Variants in RAB2A observed in about 807,000 individuals in gnomAD.
RAB2A encodes the protein RAB2A, member RAS oncogene family.
A neutral mutation model predicts 32.5 loss-of-function variants in RAB2A; 7 were observed. That is an observed-to-expected ratio of 0.22 (90% CI 0.12 to 0.40). The LOEUF (loss-of-function observed/expected upper bound fraction) is 0.40, where lower values mean the gene tolerates loss of function less well. RAB2A is among the 10% of genes least tolerant of loss of function. RAB2A has a pLI of 1.00. For synonymous variants in RAB2A, 79 were observed against 85.2 expected (o/e 0.93, Z 0.40); for missense variants, 108 against 260.7 (o/e 0.41, Z 4.03).
At chr8:60,583,971 C>G in intron 3 of RAB2A, 1 of 352,668 alleles carries the variant, frequency 2.8e-6, no homozygotes, top group East Asian at 4.9e-5. Context: ...AGAGGTCTTG[C>G]GGGCTGGGGA....
chr8:60,591,824 AT>A, intron 5 of RAB2A, 33 bp from the exon 6 acceptor site: 1 of 1,344,246 alleles, frequency 7.4e-7, no homozygotes, highest in Non-Finnish European at 1.1e-6. Context: ...TACCATGTTG[AT>A]TAGTAATGTG....
intron 6 of RAB2A, among the ~76,000 whole-genome samples, chr8:60,607,055 T>A (rs554252483): frequency 6.6e-6 from 1 of 152,318 alleles, no homozygotes; most frequent in Non-Finnish European, 1.5e-5. Context: ...GAGACTGCTT[T>A]TTCTTTTTTA....
In RAB2A at chr8:60,548,995, C is replaced by A. The variant is rs1287677128; in HGVS notation, c.47-9857C>A. Among the ~76,000 whole-genome samples, 13 of 151,290 alleles carry A rather than the reference C, an allele frequency of 8.6e-5. No homozygotes were observed. In the South Asian group the frequency reaches 2.7e-3, roughly 32 times the overall value. On this transcript the variant is annotated intron_variant, in intron 1 of 7. Transcript: ENST00000262646. ...GCAGGGCAGAGACGCTCCTCACATCCCGGACGGGGCGGCAGGGCAGAGGTG... is the reference window on the plus strand; with the variant it reads ...GCAGGGCAGAGACGCTCCTCACATCACGGACGGGGCGGCAGGGCAGAGGTG...
chr8:60,529,396 C>T (rs1285711234), intron 1 of RAB2A, among the ~76,000 whole-genome samples: 1 of 152,072 alleles, frequency 6.6e-6, no homozygotes, highest in East Asian at 1.9e-4. Flanking sequence ...ATGTTAAAAT[C>T]TCATATTGTG....
chr8:60,569,498 A>G (rs1471688999), intron 2 of RAB2A, among the ~76,000 whole-genome samples: 1 of 152,088 alleles, frequency 6.6e-6, no homozygotes, highest in African/African-American at 2.4e-5. Context: ...CTGTCTGCTT[A>G]CTTTATTAAT....
intron 1 of RAB2A, among the ~76,000 whole-genome samples, chr8:60,525,215 T>G (rs560462654): frequency 6.6e-6 from 1 of 152,342 alleles, no homozygotes; most frequent in East Asian, 1.9e-4. Flanking sequence ...GATTGGATCA[T>G]GGGGTCAGTT....
intron 7 of RAB2A, among the ~76,000 whole-genome samples, chr8:60,619,730 T>G (rs1264940204): frequency 1.3e-5 from 2 of 152,256 alleles, no homozygotes; most frequent in Non-Finnish European, 2.9e-5. Flanking sequence ...TGTTTCTGTC[T>G]GGTTTCATAT....
chr8:60,523,785 G>A (rs182228841), intron 1 of RAB2A, among the ~76,000 whole-genome samples: 1 of 151,164 alleles, frequency 6.6e-6, no homozygotes, highest in East Asian at 2.0e-4. Context: ...CCGTCTCCCG[G>A]GTTCACACCA....
In RAB2A at chr8:60,621,161, CTT is replaced by C. The variant is rs200305948; in HGVS notation, c.*394_*395del. On this transcript the variant is annotated 3_prime_UTR_variant, in exon 8 of 8. Transcript: ENST00000262646. ...AATATTATAGAACTGTCCTCAGAAA[CTT>C]TGTCAATTTTCACGGCTATAAGGAA... is the stretch of plus-strand genomic sequence containing the variant. 1,242 of 159,136 alleles carry C rather than the reference CTT, an allele frequency of 7.8e-3. 41 individuals carry two copies. Among genetic ancestry groups the C allele is most frequent in the Non-Finnish European group, 2.1e-3 (152 of 72,328 alleles). 9.9% of individuals were successfully genotyped at this position (159,136 alleles called of 1,614,324 possible).
intron 6 of RAB2A, among the ~76,000 whole-genome samples, chr8:60,617,309 G>C (rs1804462655): frequency 1.3e-5 from 2 of 152,122 alleles, no homozygotes; most frequent in Non-Finnish European, 2.9e-5. Context: ...CAAAGAAGTT[G>C]AGCCGTCTTT....
intron 1 of RAB2A, among the ~76,000 whole-genome samples, chr8:60,531,269 T>A (rs1807472149): frequency 6.6e-6 from 1 of 152,238 alleles, no homozygotes; most frequent in African/African-American, 2.4e-5. Flanking sequence ...TTATTTTAGC[T>A]TAGACACCAC....
At chr8:60,568,445 C>CAT in intron 2 of RAB2A, among the ~76,000 whole-genome samples, 1 of 152,204 alleles carries the variant, frequency 6.6e-6, no homozygotes, top group Non-Finnish European at 1.5e-5. Context: ...TTATACCTAA[C>CAT]ATATTAAATA....
chr8:60,537,060 T>C (rs1021114914), intron 1 of RAB2A, among the ~76,000 whole-genome samples: 2 of 152,230 alleles, frequency 1.3e-5, no homozygotes, highest in African/African-American at 4.8e-5. Flanking sequence ...TTTTGTTGTA[T>C]ATGAGTTGGA....
chr8:60,532,356 A>C (rs1807489619), intron 1 of RAB2A, among the ~76,000 whole-genome samples: 2 of 152,242 alleles, frequency 1.3e-5, no homozygotes, highest in East Asian at 1.9e-4. Flanking sequence ...TACTTGACAC[A>C]AAAATTAATA....
At chr8:60,606,797 G>A (rs1159874283) in intron 6 of RAB2A, among the ~76,000 whole-genome samples, 1 of 152,268 alleles carries the variant, frequency 6.6e-6, no homozygotes, top group African/African-American at 2.4e-5. Flanking sequence ...TGGAGTGGCT[G>A]AGATACACAA....
chr8:60,611,097 T>C (rs868054023), intron 6 of RAB2A, among the ~76,000 whole-genome samples: 22 of 152,212 alleles, frequency 1.4e-4, no homozygotes, highest in African/African-American at 2.9e-4. Flanking sequence ...ACAACAGATA[T>C]TAGGTTTGAG....
At chr8:60,570,122 C>CTGTTA (rs1163385514) in intron 2 of RAB2A, 1 of 442,568 alleles carries the variant, frequency 2.3e-6, no homozygotes, top group Non-Finnish European at 4.6e-6. Flanking sequence ...CATCTGCTTG[C>CTGTTA]TGTTGCTAGC....
intron 1 of RAB2A, among the ~76,000 whole-genome samples, chr8:60,554,893 G>A (rs564288704): frequency 3.3e-5 from 5 of 152,206 alleles, no homozygotes; most frequent in East Asian, 1.9e-4. Flanking sequence ...TTGAGGCCAC[G>A]GGACTGGATT....
chr8:60,560,334 C>T (rs1028949701), intron 2 of RAB2A, among the ~76,000 whole-genome samples: 2 of 152,162 alleles, frequency 1.3e-5, no homozygotes, highest in Non-Finnish European at 2.9e-5. Context: ...GGCGATCTGC[C>T]GGCCTTGGCC....
Sources: gnomAD v4.1 joint callset for allele counts (sites outside exome capture counted in the v4.1 genomes callset) on GRCh38, gnomAD v4.1.1 for gene constraint, MANE v1.5 for transcripts, NCBI Gene and HGNC (gene_info 2026-07-23, HGNC 2026-07-21) for gene names.